The following CPNE3 variants were observed in gnomAD, a reference collection of about 807,000 sequenced individuals.
CPNE3 encodes the protein copine 3.
CPNE3 carries 68 observed loss-of-function variants against 63.9 expected under a neutral mutation model. The observed-to-expected ratio is 1.06, with a 90% CI of 0.87 to 1.30. The LOEUF is 1.30. Among genes scored for constraint, CPNE3 ranks in the 50% most tolerant of loss-of-function variants. The pLI is 0.00. For synonymous variants in CPNE3, 219 were observed against 197.5 expected, an observed-to-expected ratio of 1.11 and a Z score of -0.91; for missense variants, 665 against 578.1, an observed-to-expected ratio of 1.15 and a Z score of -1.54.
At chr8:86,532,873 A>G (rs1390259531) in intron 6 of CPNE3, among the ~76,000 whole-genome samples, 1 of 152,240 alleles carries the variant, frequency 6.6e-6, no homozygotes, top group Non-Finnish European at 1.5e-5. Context: ...ATCTTTAGGA[A>G]AAAAGTGAAA....
At chr8:86,544,569 A>ATT (rs1821007714) in intron 8 of CPNE3, among the ~76,000 whole-genome samples, 171 bp from the exon 9 acceptor site, 1 of 152,144 alleles carries the variant, frequency 6.6e-6, no homozygotes, top group African/African-American at 2.4e-5. Context: ...GTGTTTCAAT[A>ATT]TTGCTTCTCT....
At position 86,532,513 on chromosome 8, in the gene CPNE3, C is replaced by A. The variant is rs1424400537; in HGVS notation, c.392C>A (p.Ser131Ter). ...ACTTACCTGATCTACTCATAGATTT[C>A]AGCTGAAGAAATAAAAGATAATAGA... ...RPAGKGSITI[S>*]AEEIKDNRVV... The change falls in exon 6 of 17, where the codon TCA becomes TAA. Residue 131 changes from serine (S) to a stop codon, truncating the protein, a stop_gained. Coordinates refer to ENST00000517490, the MANE Select transcript of CPNE3 (RefSeq NM_003909.5). LOFTEE classifies it high-confidence loss of function. 4 of 1,609,702 alleles carry A rather than the reference C, an allele frequency of 2.5e-6. No individual in the cohort carries two copies. The African/African-American group carries it at 5.4e-5, about 22-fold the overall frequency.
In CPNE3 at chr8:86,560,306, A is replaced by G. The variant is rs1320625869; in HGVS notation, c.*1896A>G. On this transcript the variant is annotated 3_prime_UTR_variant, in exon 17 of 17. Coordinates refer to ENST00000517490, the MANE Select transcript of CPNE3 (RefSeq NM_003909.5). ...TTCAGAATTTTCTCTTTTAATCACA[A>G]GAAGCCTTTTAAAAAATGACTTACA... 2.0e-5 allele frequency: 3 copies of G among 152,234 alleles called. No homozygotes were observed. The East Asian group carries it at 5.8e-4, about 29-fold the overall frequency. 9.4% of individuals were successfully genotyped at this position (152,234 alleles called of 1,614,324 possible).
intron 8 of CPNE3, among the ~76,000 whole-genome samples, chr8:86,543,939 G>A (rs1820996534): frequency 6.6e-6 from 1 of 152,004 alleles, no homozygotes; most frequent in Admixed American, 6.6e-5. Flanking sequence ...GAATATTCTA[G>A]TATTCTGGTG....
chr8:86,541,563 G>A (rs937524788), intron 8 of CPNE3, among the ~76,000 whole-genome samples: 15 of 152,040 alleles, frequency 9.9e-5, no homozygotes, highest in Non-Finnish European at 2.2e-4. Flanking sequence ...AATGAGCTGG[G>A]TGTGGTGGCG....
intron 9 of CPNE3, chr8:86,545,095 G>A (rs1563696135): frequency 4.1e-6 from 1 of 243,034 alleles, no homozygotes; most frequent in Non-Finnish European, 7.8e-6. Flanking sequence ...GATGATCACA[G>A]TGTCAGTCAT....
At chr8:86,516,204 A>G (rs547924636) in intron 2 of CPNE3, among the ~76,000 whole-genome samples, 22 of 152,272 alleles carry the variant, frequency 1.4e-4, no homozygotes, top group Admixed American at 1.0e-3. Context: ...CACAAACCCC[A>G]CAATGAAGTC....
chr8:86,558,322 C>T lies in CPNE3; in HGVS notation c.1526C>T (p.Ala509Val), dbSNP rs200815683. 68 of 872,802 alleles carry T rather than the reference C, an allele frequency of 7.8e-5. No individual in the cohort carries two copies. Among genetic ancestry groups the T allele is most frequent in the Non-Finnish European group, 1.3e-4 (64 of 501,666 alleles). 54.1% of individuals were successfully genotyped at this position (872,802 alleles called of 1,614,324 possible). ...PKEALAQCVL[A>V]EIPQQVVGYF... ...GAAGCACTTGCTCAGTGTGTCTTGG[C>T]AGAGATTCCCCAGCAGGTGGTGGGC... Residue 509 changes from alanine (A) to valine (V), a missense_variant, in exon 17 of 17, where the codon GCA (alanine) becomes GTA (valine). Transcript: ENST00000517490.
At position 86,539,227 on chromosome 8, in the gene CPNE3, CT is replaced by C. The variant is rs556808676; in HGVS notation, c.544-1017del. On this transcript the variant is annotated intron_variant, in intron 7 of 16. Coordinates refer to ENST00000517490, the MANE Select transcript of CPNE3 (RefSeq NM_003909.5). ...AGAGAGCTCGTAGTCTCTAAAATGG[CT>C]CTTGGTTTTTCTTTTTGACTTCATT... 8.5e-5 allele frequency among the ~76,000 whole-genome samples: 13 copies of C among 152,254 alleles called. No homozygotes were observed. The South Asian group carries it at 2.3e-3, about 27-fold the overall frequency.
At chr8:86,515,648 C>A (rs1458085217) in intron 2 of CPNE3, 149 bp downstream of exon 2, 1 of 152,172 alleles carries the variant, frequency 6.6e-6, no homozygotes, top group African/African-American at 2.4e-5. Context: ...GCTGTATGAC[C>A]TTGGGCAGGA....
chr8:86,529,501 C>T (rs1479990459), intron 4 of CPNE3, among the ~76,000 whole-genome samples: 1 of 152,120 alleles, frequency 6.6e-6, no homozygotes, highest in African/African-American at 2.4e-5. Flanking sequence ...CACCTGCTGA[C>T]TCGCAATGCC....
chr8:86,546,119 A>G (rs1017844571), intron 9 of CPNE3, among the ~76,000 whole-genome samples: 2 of 152,070 alleles, frequency 1.3e-5, no homozygotes, highest in African/African-American at 4.8e-5. Flanking sequence ...TCTTTGATGC[A>G]TATTTTACCA....
At chr8:86,555,097 A>G in intron 15 of CPNE3, 113 bp downstream of exon 15, 4 of 1,424,232 alleles carry the variant, frequency 2.8e-6, no homozygotes, top group South Asian at 2.9e-5. Flanking sequence ...AGATACAATA[A>G]CACAGTCATT....
At chr8:86,518,648 G>A (rs1417868319) in intron 2 of CPNE3, among the ~76,000 whole-genome samples, 1 of 152,122 alleles carries the variant, frequency 6.6e-6, no homozygotes, top group Non-Finnish European at 1.5e-5. Context: ...GCAGTAGGGG[G>A]TGTATACCAA....
intron 2 of CPNE3, among the ~76,000 whole-genome samples, chr8:86,526,185 G>A (rs893254715): frequency 2.6e-5 from 4 of 151,532 alleles, no homozygotes; most frequent in African/African-American, 9.7e-5. Context: ...CTGAGATCGC[G>A]CCACTGCAGT....
chr8:86,544,889 T>A, intron 9 of CPNE3, 51 bp downstream of exon 9: 1 of 1,108,320 alleles, frequency 9.0e-7, no homozygotes. Flanking sequence ...GCTATGTATT[T>A]ATTACTGTAT....
intron 11 of CPNE3, among the ~76,000 whole-genome samples, chr8:86,548,040 C>T (rs1017250088): frequency 6.6e-6 from 1 of 152,140 alleles, no homozygotes; most frequent in African/African-American, 2.4e-5. Context: ...ATTAGTGAGA[C>T]AACCTTATAA....
chr8:86,519,879 A>T (rs1041792455), intron 2 of CPNE3, among the ~76,000 whole-genome samples: 1 of 151,880 alleles, frequency 6.6e-6, no homozygotes, highest in Non-Finnish European at 1.5e-5. Context: ...ATGCCCAGCT[A>T]ATTTTGTATT....
chr8:86,518,762 T>TA lies in CPNE3; in HGVS notation c.-11+3272dup, dbSNP rs113513136. Among the ~76,000 whole-genome samples the TA allele has an allele frequency of 1.5e-4, 23 of 151,548 alleles. 1 individual carries two copies. The highest frequency in any genetic ancestry group is 6.2e-4 in the South Asian group (3 of 4,810). ...ATAAGTTCTGATAGCCCTTCTTTTT[T>TA]AAAAAAAAATATTTATTTATTTATT... On this transcript the variant is annotated intron_variant, in intron 2 of 16. Transcript: ENST00000517490.
Sources: allele counts gnomAD v4.1 joint callset (sites outside exome capture counted in the v4.1 genomes callset), GRCh38; gene constraint gnomAD v4.1.1; transcripts MANE v1.5; gene names NCBI Gene and HGNC (gene_info 2026-07-23, HGNC 2026-07-21).